Variants in MAGED1 observed in about 807,000 individuals in gnomAD.
MAGED1 encodes the protein MAGE family member D1, also known as melanoma-associated antigen D1.
Under a neutral mutation model 54.1 loss-of-function variants are expected in MAGED1, and 3 were observed. The observed-to-expected ratio is 0.06, with a 90% CI of 0.03 to 0.14. The LOEUF is 0.14. MAGED1 is among the 10% of genes least tolerant of loss of function. MAGED1 has a pLI of 1.00. For missense variants in MAGED1, 485 were observed against 623.4 expected (o/e 0.78, Z 2.36); for synonymous variants, 217 against 227.3 (o/e 0.95, Z 0.41).
rs782695083 is a variant in MAGED1, at chrX:51,901,631, G to A, written c.2038G>A (p.Ala680Thr). Residue 680 changes from alanine to threonine, a missense_variant, in exon 12 of 13, where the codon GCT becomes ACT. Physicochemically the swap from Ala to Thr is moderately conservative, Grantham distance 58. Coordinates refer to ENST00000326587, the MANE Select transcript of MAGED1 (RefSeq NM_006986.4). ...TGAGGCCTTGGATGCTCTGGATGCT[G>A]CTGCAGCTGAGGCCGAAGCCCGGGC... ...ADEALDALDAAAAEAEARAEA... is the reference protein window; with the variant it reads ...ADEALDALDATAAEAEARAEA... 8.3e-7 allele frequency: 1 copy of A among 1,207,769 alleles called. No homozygotes were observed. The highest frequency in any genetic ancestry group is 3.0e-5 in the East Asian group (1 of 33,765).
chrX:51,823,370 A>T (rs1450619099), intron 1 of MAGED1, among the ~76,000 whole-genome samples: 1 of 112,109 alleles, frequency 8.9e-6, no homozygotes, highest in East Asian at 2.8e-4. Flanking sequence ...TAAAGATTGC[A>T]AAATGTTATT....
At position 51,901,553 on chromosome X, in the gene MAGED1, G is replaced by A; in HGVS notation, c.1960G>A (p.Val654Ile). Residue 654 changes from valine (V) to isoleucine (I), a missense_variant and splice_region_variant, in exon 12 of 13, where the codon GTT becomes ATT. Around this residue, in one of 2 missense-constraint regions of MAGED1, gnomAD observed 186 missense variants for 330.3 expected, o/e 0.56. Coordinates refer to ENST00000326587, the MANE Select transcript of MAGED1 (RefSeq NM_006986.4). Reference protein sequence around the residue: ...KMKVLRFIAEVQKRDPRDWTA... With the variant: ...KMKVLRFIAEIQKRDPRDWTA... ...TTTTGTTTTCTATTCCTCATCTCAG[G>A]TTCAGAAAAGAGACCCTCGTGACTG... 1 of 1,146,341 alleles carries A rather than the reference G, an allele frequency of 8.7e-7. No homozygotes were observed. Among genetic ancestry groups the A allele is most frequent in the Non-Finnish European group, 1.2e-6 (1 of 864,095 alleles). 94.5% of individuals were successfully genotyped at this position (1,146,341 alleles called of 1,213,427 possible).
intron 11 of MAGED1, among the ~76,000 whole-genome samples, chrX:51,900,513 T>G (rs782375667): frequency 8.9e-6 from 1 of 112,102 alleles, no homozygotes; most frequent in East Asian, 2.8e-4. Flanking sequence ...TTTGGGTTTT[T>G]TTTTAGGTTT....
At chrX:51,883,400 A>G (rs1928126781) in intron 1 of MAGED1, among the ~76,000 whole-genome samples, 1 of 111,826 alleles carries the variant, frequency 8.9e-6, no homozygotes, top group Non-Finnish European at 1.9e-5. Context: ...TGGTACTGGT[A>G]AAAGCTGGAA....
upstream of MAGED1, among the ~76,000 whole-genome samples, chrX:51,892,330 C>A (rs1383923950): frequency 1.1e-4 from 12 of 112,250 alleles, no homozygotes; most frequent in African/African-American, 3.9e-4. Flanking sequence ...CAGCTCGAGA[C>A]AGACAGGCTG....
chrX:51,805,008 C>T (rs940671563), intron 1 of MAGED1, among the ~76,000 whole-genome samples: 5 of 111,950 alleles, frequency 4.5e-5, no homozygotes, highest in Non-Finnish European at 9.4e-5. Flanking sequence ...TAACCTGATC[C>T]ATTCACATTA....
At position 51,898,107 on chromosome X, in the gene MAGED1, C is replaced by T. The variant is rs1557364538; in HGVS notation, c.1659-7C>T. 5 of 1,199,550 alleles carry T rather than the reference C, an allele frequency of 4.2e-6. No homozygotes were observed. Among genetic ancestry groups the T allele is most frequent in the South Asian group, 3.5e-5 (2 of 56,340 alleles). On this transcript the variant is annotated splice_polypyrimidine_tract_variant and splice_region_variant and intron_variant, in intron 7 of 12. Coordinates refer to ENST00000326587, the MANE Select transcript of MAGED1 (RefSeq NM_006986.4). Reference sequence around the variant, plus strand: ...ACTGAAAATATATTCTTTCTATATTCCCTTAGGACCAAAGACACACCCAAG... The same window carrying T: ...ACTGAAAATATATTCTTTCTATATTTCCTTAGGACCAAAGACACACCCAAG...
chrX:51,841,260 T>A (rs1433219973), intron 1 of MAGED1, among the ~76,000 whole-genome samples: 2 of 111,386 alleles, frequency 1.8e-5, no homozygotes, highest in African/African-American at 3.3e-5. Context: ...TTCATATCCT[T>A]CGCCCACTTT....
chrX:51,866,455 C>T (rs782714736), intron 1 of MAGED1, among the ~76,000 whole-genome samples: 21 of 111,621 alleles, frequency 1.9e-4, no homozygotes, highest in Admixed American at 7.6e-4. Flanking sequence ...TGATTGTCCC[C>T]GGATAAAACT....
chrX:51,897,491 G>A lies in MAGED1; in HGVS notation c.1487-56G>A. On this transcript the variant is annotated intron_variant, in intron 5 of 12. Coordinates refer to ENST00000326587, the MANE Select transcript of MAGED1 (RefSeq NM_006986.4). ...CTACCCCCAGCAGGGCTGGCAAAGGGACTGCTGCTCTGTGGCCCCCGCTCG... is the reference window on the plus strand; with the variant it reads ...CTACCCCCAGCAGGGCTGGCAAAGGAACTGCTGCTCTGTGGCCCCCGCTCG... 4.0e-6 allele frequency: 4 copies of A among 989,934 alleles called. No homozygotes were observed. The South Asian group carries it at 7.8e-5, about 19-fold the overall frequency. The allele number at this position is 989,934 out of a possible 1,213,427, so 81.6% of individuals were successfully genotyped here.
intron 10 of MAGED1, chrX:51,899,064 G>A (rs1928890072): frequency 8.3e-6 from 1 of 120,183 alleles, no homozygotes; most frequent in Non-Finnish European, 1.7e-5. Context: ...TTGTGCATAT[G>A]TGTTTCTGTG....
At chrX:51,884,853 A>C (rs1928185605) in intron 1 of MAGED1, among the ~76,000 whole-genome samples, 2 of 112,581 alleles carry the variant, frequency 1.8e-5, no homozygotes, top group African/African-American at 6.4e-5. Flanking sequence ...CAACAGGCTA[A>C]AGAATAAAAG....
rs908031977 is a variant in MAGED1, at chrX:51,839,583, T to C, written c.-37+36466T>C. Among the ~76,000 whole-genome samples the C allele has an allele frequency of 2.7e-5, 3 of 112,098 alleles. No homozygotes were observed. In the East Asian group the frequency reaches 8.3e-4, roughly 31 times the overall value. ...CCTCCATTTCTGCCAGAAAAAAATA[T>C]GTTCTTTAAGCTTGCATTTTTTTCT... is the stretch of plus-strand genomic sequence containing the variant. On this transcript the variant is annotated intron_variant, in intron 1 of 12. Coordinates refer to the MAGED1 transcript ENST00000375772.
intron 2 of MAGED1, 22 bp downstream of exon 2, chrX:51,894,371 C>T (rs782446899): frequency 8.4e-7 from 1 of 1,183,703 alleles, no homozygotes; most frequent in African/African-American, 1.8e-5. Flanking sequence ...ACTCCCCACC[C>T]CACCATTTCC....
Position 51,861,743 on chromosome X carries a change from G to A in MAGED1, c.-36-32526G>A, listed in dbSNP as rs1465567874. ...CTGTCACCCAGGCTATAGTGCAATA[G>A]TGCGATCTTGGCTCACTGCAACCTC... On this transcript the variant is annotated intron_variant, in intron 1 of 12. Transcript: ENST00000375772. Among the ~76,000 whole-genome samples, 6 of 111,367 alleles carry A rather than the reference G, an allele frequency of 5.4e-5. No homozygotes were observed. The Admixed American group carries it at 5.7e-4, about 11-fold the overall frequency.
intron 1 of MAGED1, among the ~76,000 whole-genome samples, chrX:51,873,938 A>G (rs1018905817): frequency 9.0e-6 from 1 of 111,494 alleles, no homozygotes; most frequent in Non-Finnish European, 1.9e-5. Flanking sequence ...TGCCAAATAC[A>G]TCTCATGGGA....
intron 1 of MAGED1, among the ~76,000 whole-genome samples, chrX:51,869,158 G>A (rs782728079): frequency 9.0e-6 from 1 of 111,465 alleles, no homozygotes; most frequent in South Asian, 3.8e-4. Flanking sequence ...TGGACTGTGT[G>A]TATGATAGTG....
intron 1 of MAGED1, among the ~76,000 whole-genome samples, chrX:51,863,837 T>A (rs781832575): frequency 9.0e-6 from 1 of 111,181 alleles, no homozygotes; most frequent in African/African-American, 3.3e-5. Flanking sequence ...TTGTGTGTGT[T>A]TTTTTTTAAC....
rs1929060773 is a variant in MAGED1, at chrX:51,902,215, C to T, written c.*78C>T. 2.0e-5 allele frequency: 5 copies of T among 248,359 alleles called. No homozygotes were observed. Among genetic ancestry groups the T allele is most frequent in the Non-Finnish European group, 3.6e-5 (5 of 140,095 alleles). 20.5% of individuals were successfully genotyped at this position (248,359 alleles called of 1,213,427 possible). ...AGCCTCAGATTCCTTCTAAACACAG[C>T]TATCTAGAGAGCCACATCCTGTTGA... On this transcript the variant is annotated 3_prime_UTR_variant, in exon 13 of 13. Coordinates refer to ENST00000326587, the MANE Select transcript of MAGED1 (RefSeq NM_006986.4).
Sources: gnomAD v4.1 joint callset for allele counts (sites outside exome capture counted in the v4.1 genomes callset) on GRCh38, gnomAD v4.1.1 for gene constraint, gnomAD v4.1.1 regional missense constraint, MANE v1.5 for transcripts, NCBI Gene and HGNC (gene_info 2026-07-23, HGNC 2026-07-21) for gene names.